The following TAB2 variants were observed in gnomAD, a reference collection of about 807,000 sequenced individuals.
TAB2 encodes the protein TGF-beta-activated kinase 1 and MAP3K7-binding protein 2.
TAB2 carries 3 observed loss-of-function variants against 65.0 expected under a neutral mutation model. That is an observed-to-expected ratio of 0.05 (90% CI 0.02 to 0.12). The LOEUF is 0.12. TAB2 is among the 10% of genes least tolerant of loss of function. The pLI is 1.00. For synonymous variants in TAB2, 298 were observed against 285.1 expected (o/e 1.05, Z -0.46); for missense variants, 623 against 840.3 (o/e 0.74, Z 3.20).
chr6:149,329,189 C>T (rs771921563), intron 1 of TAB2, among the ~76,000 whole-genome samples: 5 of 152,148 alleles, frequency 3.3e-5, no homozygotes, highest in African/African-American at 4.8e-5. Flanking sequence ...TAGAAAGATT[C>T]TCTTGTTGTA....
chr6:149,399,260 C>A, intron 6 of TAB2, 76 bp downstream of exon 6: 2 of 1,080,264 alleles, frequency 1.9e-6, no homozygotes, highest in South Asian at 1.3e-5. Flanking sequence ...TGTTCAGCAA[C>A]CTTCCTCTCT....
intron 3 of TAB2, among the ~76,000 whole-genome samples, chr6:149,387,584 G>A (rs1348969429): frequency 2.0e-5 from 3 of 152,054 alleles, no homozygotes; most frequent in Non-Finnish European, 4.4e-5. Flanking sequence ...GCTATTTAGA[G>A]TCTCTTGAAA....
chr6:149,276,541 A>C (rs1480129630), intron 1 of TAB2, among the ~76,000 whole-genome samples: 1 of 152,196 alleles, frequency 6.6e-6, no homozygotes, highest in East Asian at 1.9e-4. Context: ...CAATAAATCA[A>C]TTATATATTT....
At chr6:149,394,545 A>G (rs1782104808) in intron 3 of TAB2, among the ~76,000 whole-genome samples, 1 of 152,198 alleles carries the variant, frequency 6.6e-6, no homozygotes, top group Non-Finnish European at 1.5e-5. Flanking sequence ...AGACTAAAGT[A>G]AATGGTATTT....
At chr6:149,278,153 G>T (rs1437057857) in intron 1 of TAB2, among the ~76,000 whole-genome samples, 4 of 152,078 alleles carry the variant, frequency 2.6e-5, no homozygotes, top group Non-Finnish European at 1.5e-5. Context: ...CAATTCTACA[G>T]CTAGGTTACT....
At chr6:149,239,674 G>C (rs527467073) in intron 1 of TAB2, among the ~76,000 whole-genome samples, 1 of 152,244 alleles carries the variant, frequency 6.6e-6, no homozygotes, top group East Asian at 1.9e-4. Context: ...TGTTAACAAG[G>C]GGTGAATTAT....
At chr6:149,367,222 C>A (rs372983241) in intron 1 of TAB2, among the ~76,000 whole-genome samples, 6 of 151,972 alleles carry the variant, frequency 3.9e-5, no homozygotes, top group Admixed American at 2.0e-4. Flanking sequence ...TATGAGGGTG[C>A]AATGGTGGGA....
intron 1 of TAB2, among the ~76,000 whole-genome samples, chr6:149,369,683 A>T (rs1024490024): frequency 6.6e-6 from 1 of 152,244 alleles, no homozygotes; most frequent in Non-Finnish European, 1.5e-5. Flanking sequence ...CTCAGCCATT[A>T]TAGAGCATAT....
At chr6:149,291,000 T>C (rs1275857910) in intron 1 of TAB2, among the ~76,000 whole-genome samples, 2 of 152,258 alleles carry the variant, frequency 1.3e-5, no homozygotes, top group African/African-American at 2.4e-5. Context: ...AACAAAGTTA[T>C]ACTTCAGCCT....
chr6:149,406,443 A>G (rs1411191255), intron 6 of TAB2, among the ~76,000 whole-genome samples: 1 of 152,240 alleles, frequency 6.6e-6, no homozygotes, highest in African/African-American at 2.4e-5. Flanking sequence ...AGGACATTTT[A>G]TGAATCAGGC....
chr6:149,352,080 T>G (rs1212086658), intron 1 of TAB2, among the ~76,000 whole-genome samples: 1 of 152,214 alleles, frequency 6.6e-6, no homozygotes, highest in Admixed American at 6.5e-5. Flanking sequence ...CAATACTTTG[T>G]CAAGTTTAAA....
chr6:149,355,826 C>T (rs1477836459), intron 1 of TAB2, among the ~76,000 whole-genome samples: 1 of 152,128 alleles, frequency 6.6e-6, no homozygotes, highest in African/African-American at 2.4e-5. Context: ...TAAATAGGAT[C>T]ATGCCCAACT....
intron 2 of TAB2, among the ~76,000 whole-genome samples, chr6:149,370,472 G>T (rs1484814410): frequency 6.6e-6 from 1 of 152,100 alleles, no homozygotes; most frequent in Non-Finnish European, 1.5e-5. Context: ...GGAAACTTGG[G>T]TTATAATCCT....
intron 1 of TAB2, among the ~76,000 whole-genome samples, chr6:149,295,185 G>A (rs933970932): frequency 6.6e-6 from 1 of 152,164 alleles, no homozygotes; most frequent in Admixed American, 6.5e-5. Flanking sequence ...TTTCATAAAT[G>A]TTTAGTAGAG....
intron 3 of TAB2, 146 bp from the exon 4 acceptor site, chr6:149,397,458 T>C: frequency 1.0e-6 from 1 of 973,998 alleles, no homozygotes; most frequent in Non-Finnish European, 1.6e-6. Context: ...AAAAAAAAAT[T>C]GAAATTTTAA....
intron 1 of TAB2, among the ~76,000 whole-genome samples, chr6:149,362,313 C>T (rs189684891): frequency 4.6e-5 from 7 of 152,340 alleles, no homozygotes; most frequent in Non-Finnish European, 8.8e-5. Context: ...GCATCTGCTT[C>T]GCTTCTGGCG....
At chr6:149,404,251 C>T (rs916571733) in intron 6 of TAB2, among the ~76,000 whole-genome samples, 8 of 152,036 alleles carry the variant, frequency 5.3e-5, no homozygotes, top group East Asian at 3.8e-4. Flanking sequence ...CTTAGGAATA[C>T]GCTGAAAATT....
chr6:149,350,596 G>A (rs937596612), intron 1 of TAB2, among the ~76,000 whole-genome samples: 2 of 147,554 alleles, frequency 1.4e-5, no homozygotes, highest in African/African-American at 2.5e-5. Flanking sequence ...TTTGATATTC[G>A]GCATGAACCA....
At chr6:149,344,795 A>G (rs947314372) in intron 1 of TAB2, among the ~76,000 whole-genome samples, 1 of 152,200 alleles carries the variant, frequency 6.6e-6, no homozygotes, top group African/African-American at 2.4e-5. Flanking sequence ...TCTGTCAGGC[A>G]TTGTGCAAAG....
Sources: allele counts gnomAD v4.1 joint callset (sites outside exome capture counted in the v4.1 genomes callset), GRCh38; gene constraint gnomAD v4.1.1; transcripts MANE v1.5; gene names NCBI Gene and HGNC (gene_info 2026-07-23, HGNC 2026-07-21).